CROCC2: variants seen among roughly 807,000 people sequenced by gnomAD.
CROCC2 encodes ciliary rootlet coiled-coil, rootletin family member 2.
A neutral mutation model predicts 177.6 loss-of-function variants in CROCC2; 163 were observed. The ratio of observed to expected loss-of-function variants is 0.92; its 90% CI spans 0.81 to 1.05. CROCC2 has a LOEUF of 1.05. CROCC2 is among the 50% of genes least tolerant of loss of function. The pLI, the probability that CROCC2 is intolerant of heterozygous loss-of-function variation, is 0.00. For missense variants in CROCC2, 1,929 were observed against 1,797.8 expected (o/e 1.07, Z -1.32); for synonymous variants, 904 against 787.3 (o/e 1.15, Z -2.48).
At chr2:240,959,157 C>T (rs769860697) in intron 19 of CROCC2, 144 bp from the exon 20 acceptor site, 16 of 935,780 alleles carry the variant, frequency 1.7e-5, no homozygotes, top group African/African-American at 5.1e-5. Flanking sequence ...GGGCCAGTTA[C>T]CCCGGGGCTT....
At chr2:240,959,522 G>A in intron 20 of CROCC2, 78 bp downstream of exon 20, 1 of 1,431,466 alleles carries the variant, frequency 7.0e-7, no homozygotes, top group Non-Finnish European at 9.4e-7. Context: ...AGAGGAGAGA[G>A]TGGGGGTGCC....
At chr2:240,907,818 C>G (rs1256150291) in intron 1 of CROCC2, among the ~76,000 whole-genome samples, 37 of 105,006 alleles carry the variant, frequency 3.5e-4, no homozygotes, top group African/African-American at 5.4e-4. Context: ...TCCTCCACCT[C>G]GGGTGACCTC....
In CROCC2 at chr2:240,976,202, G is replaced by C. The variant is rs1449734973; in HGVS notation, c.4402-6678G>C. ...CAGGCTCATCCCTGCTCAGTCTCTG[G>C]GGTAGGAGCCTCTGGAGCCCAGGCT... On this transcript the variant is annotated intron_variant, in intron 27 of 31. Coordinates refer to ENST00000690015, the MANE Select transcript of CROCC2 (RefSeq NM_001351305.2). Among the ~76,000 whole-genome samples, 5 of 146,178 alleles carry C rather than the reference G, an allele frequency of 3.4e-5. 1 individual carries two copies. Among genetic ancestry groups the C allele is most frequent in the African/African-American group, 1.3e-4 (5 of 39,392 alleles).
chr2:240,945,672 T>C (rs1478328766), intron 14 of CROCC2, among the ~76,000 whole-genome samples: 1 of 152,202 alleles, frequency 6.6e-6, no homozygotes, highest in African/African-American at 2.4e-5. Context: ...ATATTCTTTC[T>C]AGATTTTTAT....
At chr2:240,988,392 C>G (rs1383568748) in intron 28 of CROCC2, among the ~76,000 whole-genome samples, 1 of 152,122 alleles carries the variant, frequency 6.6e-6, no homozygotes, top group African/African-American at 2.4e-5. Context: ...GCTCATGAGA[C>G]CTGGAGGAAC....
intron 1 of CROCC2, among the ~76,000 whole-genome samples, chr2:240,915,521 TG>T (rs750727009): frequency 2.0e-5 from 3 of 152,100 alleles, no homozygotes; most frequent in African/African-American, 4.8e-5. Flanking sequence ...GGACATGAGG[TG>T]GGGGGTAACA....
At chr2:240,907,288 T>C (rs1184276761) in intron 1 of CROCC2, among the ~76,000 whole-genome samples, 2 of 152,108 alleles carry the variant, frequency 1.3e-5, no homozygotes, top group Non-Finnish European at 2.9e-5. Flanking sequence ...AATTGTCCCG[T>C]GTCCCTCTCC....
In CROCC2 at chr2:240,961,582, ACACT is replaced by A. The variant is rs780444527; in HGVS notation, c.3088-1970_3088-1967del. On this transcript the variant is annotated intron_variant, in intron 20 of 31. Transcript: ENST00000690015. Reference sequence around the variant, plus strand: ...TCACACTCACACACTCATCACACATACACTCACACACACACACGCACTCACACAT... The same window carrying A: ...TCACACTCACACACTCATCACACATACACACACACACACGCACTCACACAT... 3.9e-4 allele frequency among the ~76,000 whole-genome samples: 36 copies of A among 92,950 alleles called. 1 individual carries two copies. Among genetic ancestry groups the A allele is most frequent in the East Asian group, 8.4e-4 (3 of 3,554 alleles). The allele number at this position is 92,950 out of a possible 152,430, so 61.0% of individuals were successfully genotyped here. A position where few individuals can be genotyped will look rare whatever the true frequency, so the allele number is the denominator to read the frequency against.
In CROCC2 at chr2:240,991,256, G is replaced by A. The variant is rs551557167; in HGVS notation, c.4924G>A (p.Gly1642Ser). 3.4e-4 allele frequency: 531 copies of A among 1,548,406 alleles called. No homozygotes were observed. Among genetic ancestry groups the A allele is most frequent in the Admixed American group, 2.2e-3 (112 of 50,812 alleles). Residue 1642 changes from glycine (G) to serine (S), a missense_variant, in exon 31 of 32, where the codon GGC becomes AGC. Physicochemically the swap from Gly to Ser is moderately conservative, Grantham distance 56. This residue lies in a region of CROCC2 where 388 missense variants were observed against 352.7 expected (regional missense o/e 1.10). Coordinates refer to ENST00000690015, the MANE Select transcript of CROCC2 (RefSeq NM_001351305.2). ...GCAGTGGCGGCAACAGGCCCACCTC[G>A]GCCAGGCCTTCCAGACAGGACAGTG... ...EVQWRQQAHL[G>S]QAFQTGHAQR...
Position 240,946,056 on chromosome 2 carries a change from C to A in CROCC2, c.2170-4C>A. On this transcript the variant is annotated splice_polypyrimidine_tract_variant and splice_region_variant and intron_variant, in intron 14 of 31. Transcript: ENST00000690015. ...GCCGACTGTCCCCTCCCCACCTCCC[C>A]TAGGTCACATGCCAGAAACAGGCCC... The A allele has an allele frequency of 6.6e-7, 1 of 1,505,636 alleles. No homozygotes were observed. Among genetic ancestry groups the A allele is most frequent in the Non-Finnish European group, 9.0e-7 (1 of 1,114,442 alleles). 93.3% of individuals were successfully genotyped at this position (1,505,636 alleles called of 1,614,324 possible).
intron 1 of CROCC2, among the ~76,000 whole-genome samples, chr2:240,910,100 C>T (rs1004492373): frequency 1.5e-4 from 23 of 152,176 alleles, no homozygotes; most frequent in Admixed American, 1.4e-3. Context: ...AATGCCCCCA[C>T]CCTGGAGCTG....
intron 20 of CROCC2, among the ~76,000 whole-genome samples, chr2:240,962,513 T>C (rs1045317868): frequency 1.4e-4 from 22 of 152,016 alleles, no homozygotes; most frequent in African/African-American, 5.3e-4. Context: ...GGGGAGGCTC[T>C]GGCCCTTCCC....
chr2:240,937,470 C>T (rs977361575), intron 14 of CROCC2, among the ~76,000 whole-genome samples: 17 of 152,146 alleles, frequency 1.1e-4, no homozygotes, highest in Non-Finnish European at 1.6e-4. Context: ...TTGTGGCTGC[C>T]TGTACATTTT....
intron 5 of CROCC2, among the ~76,000 whole-genome samples, chr2:240,928,882 G>A (rs1165902398): frequency 1.3e-5 from 2 of 151,432 alleles, no homozygotes; most frequent in African/African-American, 4.9e-5. Flanking sequence ...TGTATGGCCA[G>A]GTATGGGTTC....
intron 15 of CROCC2, among the ~76,000 whole-genome samples, chr2:240,947,752 G>A (rs551263788): frequency 1.2e-4 from 18 of 152,282 alleles, no homozygotes; most frequent in Non-Finnish European, 2.4e-4. Flanking sequence ...GGCTTCAGCA[G>A]TGGGGACCTG....
At chr2:240,977,925 A>T (rs1574794279) in intron 27 of CROCC2, among the ~76,000 whole-genome samples, 1 of 16,112 alleles carries the variant, frequency 6.2e-5, no homozygotes, top group Non-Finnish European at 1.3e-4. Context: ...TAGGAGCCTC[A>T]GGATCCCAGG....
chr2:240,933,848 A>G lies in CROCC2; in HGVS notation c.1642A>G (p.Thr548Ala). ...GGAGCGGAGCTGCAGGGCACTGGAGACCAGGTGCGCGGCCGTGGCTGGGTG... is the reference window on the plus strand; with the variant it reads ...GGAGCGGAGCTGCAGGGCACTGGAGGCCAGGTGCGCGGCCGTGGCTGGGTG... ...RRERSCRALETSQGRLQQLEE... is the reference protein window; with the variant it reads ...RRERSCRALEASQGRLQQLEE... The change falls in exon 11 of 32, where the codon ACC becomes GCC. Residue 548 changes from threonine (T) to alanine (A), a missense_variant. By Grantham distance (58) the Thr-to-Ala change is moderately conservative (BLOSUM62 0). This residue lies in a region of CROCC2 where 1,397 missense variants were observed against 1,239.9 expected (regional missense o/e 1.13). Transcript: ENST00000690015. The G allele has an allele frequency of 6.5e-7, 1 of 1,544,590 alleles. No individual in the cohort carries two copies. Among genetic ancestry groups the G allele is most frequent in the Non-Finnish European group, 8.7e-7 (1 of 1,144,306 alleles).
chr2:240,955,618 T>C (rs1244713201), intron 18 of CROCC2: 2 of 489,598 alleles, frequency 4.1e-6, no homozygotes, highest in Admixed American at 6.6e-5. Flanking sequence ...GACACAGAGG[T>C]GGGACGATGT....
rs747713173 is a variant in CROCC2, at chr2:240,918,121, A to C, written c.79-605A>C. Among the ~76,000 whole-genome samples, 15 of 152,180 alleles carry C rather than the reference A, an allele frequency of 9.9e-5. No individual in the cohort carries two copies. Among genetic ancestry groups the C allele is most frequent in the Non-Finnish European group, 2.2e-4 (15 of 68,028 alleles). On this transcript the variant is annotated intron_variant, in intron 1 of 31. Coordinates refer to ENST00000690015, the MANE Select transcript of CROCC2 (RefSeq NM_001351305.2). The surrounding 1 kb of genome is among the most constrained non-coding windows in gnomAD (Gnocchi z 6.3). The stretch of plus-strand genomic sequence containing the variant: ...GCCTCTTCCCTGGCAGTCGGCTTTC[A>C]TGAAGGACCCACCTGGGTCCCGATG...
Sources: allele counts gnomAD v4.1 joint callset (sites outside exome capture counted in the v4.1 genomes callset), GRCh38; gene constraint gnomAD v4.1.1; regional missense constraint gnomAD v4.1.1; non-coding constraint Gnocchi (gnomAD v3.1); transcripts MANE v1.5; gene names NCBI Gene and HGNC (gene_info 2026-07-23, HGNC 2026-07-21).